Variants in TSPAN3 observed in about 807,000 individuals in gnomAD.
TSPAN3 encodes tetraspanin 3.
In TSPAN3, 9 loss-of-function variants were observed where a neutral mutation model predicts 31.1. The observed-to-expected ratio is 0.29, with a 90% CI of 0.17 to 0.50. TSPAN3 has a LOEUF of 0.50. Among genes scored for constraint, TSPAN3 ranks in the 20% least tolerant of loss-of-function variants. TSPAN3 has a pLI of 0.98. For synonymous variants in TSPAN3, 129 were observed against 114.3 expected, an observed-to-expected ratio of 1.13 and a Z score of -0.82; for missense variants, 252 against 313.5, an observed-to-expected ratio of 0.80 and a Z score of 1.48.
chr15:77,065,447 G>C (rs2076826319), intron 1 of TSPAN3, among the ~76,000 whole-genome samples: 1 of 152,106 alleles, frequency 6.6e-6, no homozygotes, highest in African/African-American at 2.4e-5. Context: ...TTTATTTTGA[G>C]ATGGAGTCTC....
Position 77,070,937 on chromosome 15 carries a change from G to A in TSPAN3, c.18C>T (p.Ile6=). 6.9e-7 allele frequency: 1 copy of A among 1,446,108 alleles called. No homozygotes were observed. The allele number at this position is 1,446,108 out of a possible 1,614,324, so 89.6% of individuals were successfully genotyped here. A position where few individuals can be genotyped will look rare whatever the true frequency, so the allele number is the denominator to read the frequency against. Reference sequence around the variant, plus strand: ...AGACCAGCACGGTCTTGGAGGAGGTGATGCCGCACTGGCCCATGGCGCCGG... The same window carrying A: ...AGACCAGCACGGTCTTGGAGGAGGTAATGCCGCACTGGCCCATGGCGCCGG... The part of the protein sequence containing the change: MGQCG[I]TSSKTVLVFL... Residue 6 remains isoleucine (I), a synonymous_variant, in exon 1 of 7, where the codon ATC becomes ATT. Coordinates refer to ENST00000267970, the MANE Select transcript of TSPAN3 (RefSeq NM_005724.6).
chr15:77,053,754 G>C (rs1388306547), intron 4 of TSPAN3, among the ~76,000 whole-genome samples: 2 of 152,062 alleles, frequency 1.3e-5, no homozygotes, highest in African/African-American at 4.8e-5. Context: ...TTCTACCTTT[G>C]TGTGTATCAG....
chr15:77,061,665 T>C (rs2076801530), intron 1 of TSPAN3, among the ~76,000 whole-genome samples: 1 of 152,200 alleles, frequency 6.6e-6, no homozygotes, highest in Non-Finnish European at 1.5e-5. Context: ...ATAAAGTAGC[T>C]CTGTTGCCAA....
rs904823622 is a variant in TSPAN3, at chr15:77,043,222, G to A, written c.*3613C>T. ...CACCCCTCGGAGGTCTCTCCACCTT[G>A]GGGAACCTCCTCTGAGTTTCCACGT... is the stretch of plus-strand genomic sequence containing the variant. On this transcript the variant is annotated 3_prime_UTR_variant, in exon 7 of 7. Transcript: ENST00000267970. 5 of 152,176 alleles carry A rather than the reference G, an allele frequency of 3.3e-5. No individual in the cohort carries two copies. Among genetic ancestry groups the A allele is most frequent in the African/African-American group, 1.2e-4 (5 of 41,406 alleles). 9.4% of individuals were successfully genotyped at this position (152,176 alleles called of 1,614,324 possible).
chr15:77,068,862 G>A (rs1220067533), intron 1 of TSPAN3, among the ~76,000 whole-genome samples: 2 of 152,018 alleles, frequency 1.3e-5, no homozygotes, highest in Non-Finnish European at 2.9e-5. Context: ...TATATGTGCC[G>A]CATTTTCTTT....
chr15:77,055,935 A>C (rs1596163232), intron 2 of TSPAN3, 72 bp from the exon 3 acceptor site: 1 of 1,534,200 alleles, frequency 6.5e-7, no homozygotes, highest in Non-Finnish European at 8.8e-7. Context: ...GATTTAAAAA[A>C]AGTTATCAGA....
intron 6 of TSPAN3, among the ~76,000 whole-genome samples, chr15:77,048,645 TG>T (rs1204562493): frequency 1.3e-5 from 2 of 152,216 alleles, no homozygotes; most frequent in Middle Eastern, 3.2e-3. Flanking sequence ...GAAATTCCAT[TG>T]ATTTTTGAAA....
chr15:77,052,524 G>A (rs1361459050), intron 5 of TSPAN3, 56 bp from the exon 6 acceptor site: 4 of 1,518,130 alleles, frequency 2.6e-6, no homozygotes, highest in Non-Finnish European at 3.7e-6. Context: ...TAAAGCTGCA[G>A]ATTCACAGGC....
intron 1 of TSPAN3, chr15:77,063,415 G>GCCCACCACCACATCTGGCTAATTTT (rs2076812133): frequency 6.7e-6 from 1 of 150,228 alleles, no homozygotes; most frequent in Non-Finnish European, 1.5e-5. Context: ...GTCTTGCTAT[G>GCCCACCACCACATCTGGCTAATTTT]TTGCCCAGGC....
intron 3 of TSPAN3, 161 bp from the exon 4 acceptor site, chr15:77,054,440 A>G (rs575255150): frequency 1.9e-6 from 1 of 532,418 alleles, no homozygotes; most frequent in East Asian, 3.2e-5. Flanking sequence ...TCATATAGAT[A>G]TAGATGAAGG....
Position 77,044,764 on chromosome 15 carries a change from A to C in TSPAN3, c.*2071T>G, listed in dbSNP as rs964946408. 2 of 152,224 alleles carry C rather than the reference A, an allele frequency of 1.3e-5. No homozygotes were observed. The highest frequency in any genetic ancestry group is 4.8e-5 in the African/African-American group (2 of 41,434). 9.4% of individuals were successfully genotyped at this position (152,224 alleles called of 1,614,324 possible). Reference sequence around the variant, plus strand: ...CTGTCCTGTAGAAAGAGTGGAGAACAACCAACATCACAGTCCAAATATTGC... The same window carrying C: ...CTGTCCTGTAGAAAGAGTGGAGAACCACCAACATCACAGTCCAAATATTGC... On this transcript the variant is annotated 3_prime_UTR_variant, in exon 7 of 7. Transcript: ENST00000267970.
intron 6 of TSPAN3, among the ~76,000 whole-genome samples, chr15:77,051,951 A>T (rs1346407193): frequency 1.3e-5 from 2 of 152,264 alleles, no homozygotes; most frequent in African/African-American, 4.8e-5. Context: ...CTGTGAGGAC[A>T]GAAAAACAAG....
chr15:77,047,160 A>G (rs2076698377), intron 6 of TSPAN3, among the ~76,000 whole-genome samples: 1 of 152,176 alleles, frequency 6.6e-6, no homozygotes, highest in Non-Finnish European at 1.5e-5. Flanking sequence ...CAGGGAATCA[A>G]GTCTCTCTTA....
At chr15:77,063,368 CTAA>C (rs1194077730) in intron 1 of TSPAN3, 7 of 151,640 alleles carry the variant, frequency 4.6e-5, no homozygotes, top group African/African-American at 1.5e-4. Context: ...CACCACTATA[CTAA>C]TGAGAAAATT....
At position 77,067,483 on chromosome 15, in the gene TSPAN3, C is replaced by T. The variant is rs547517750; in HGVS notation, c.63+3409G>A. On this transcript the variant is annotated intron_variant, in intron 1 of 6. Coordinates refer to ENST00000267970, the MANE Select transcript of TSPAN3 (RefSeq NM_005724.6). ...CTTGCCAAAGCAATTAAACTTTGAC[C>T]CTTGTTAACAATCAGCCATTACCAT... Among the ~76,000 whole-genome samples the T allele has an allele frequency of 2.0e-5, 3 of 152,222 alleles. No individual in the cohort carries two copies. In the East Asian group the frequency reaches 5.8e-4, roughly 29 times the overall value.
At chr15:77,067,299 T>A (rs2076839358) in intron 1 of TSPAN3, among the ~76,000 whole-genome samples, 1 of 151,918 alleles carries the variant, frequency 6.6e-6, no homozygotes, top group Admixed American at 6.6e-5. Context: ...ACAGCATTGT[T>A]CCAAACTATC....
At chr15:77,059,191 T>G (rs1313511859) in intron 1 of TSPAN3, among the ~76,000 whole-genome samples, 1 of 152,184 alleles carries the variant, frequency 6.6e-6, no homozygotes, top group Non-Finnish European at 1.5e-5. Context: ...CACGCCATTC[T>G]CCTGCCTCAG....
intron 1 of TSPAN3, among the ~76,000 whole-genome samples, chr15:77,061,187 G>T (rs1266043892): frequency 6.6e-6 from 1 of 151,540 alleles, no homozygotes; most frequent in African/African-American, 2.4e-5. Context: ...ACTAGTTTTT[G>T]GGGGGGTAAT....
At chr15:77,054,659 A>C (rs1395031098) in intron 3 of TSPAN3, 3 of 155,126 alleles carry the variant, frequency 1.9e-5, no homozygotes, top group African/African-American at 7.2e-5. Flanking sequence ...GAGGTAAAAC[A>C]AAGTAACTCT....
Sources: allele counts gnomAD v4.1 joint callset (sites outside exome capture counted in the v4.1 genomes callset), GRCh38; gene constraint gnomAD v4.1.1; transcripts MANE v1.5; gene names NCBI Gene and HGNC (gene_info 2026-07-23, HGNC 2026-07-21).